The following ARSB variants were observed in gnomAD, a reference collection of about 807,000 sequenced individuals.
ARSB encodes the protein N-acetylgalactosamine-4-sulfatase.
ARSB carries 41 observed loss-of-function variants against 50.9 expected under a neutral mutation model. The ratio of observed to expected loss-of-function variants is 0.81; its 90% CI spans 0.63 to 1.04. ARSB has a LOEUF of 1.04. Among genes scored for constraint, ARSB ranks in the 50% least tolerant of loss-of-function variants. The pLI is 0.00. For missense variants in ARSB, 672 were observed against 693.3 expected (o/e 0.97, Z 0.35); for synonymous variants, 269 against 284.8 (o/e 0.94, Z 0.56).
intron 4 of ARSB, among the ~76,000 whole-genome samples, chr5:78,935,295 T>C (rs1750527859): frequency 6.6e-6 from 1 of 152,226 alleles, no homozygotes; most frequent in South Asian, 2.1e-4. Flanking sequence ...CTCATGATTT[T>C]CAGAAGCTAA....
At chr5:78,900,084 A>G in intron 4 of ARSB, among the ~76,000 whole-genome samples, 1 of 151,698 alleles carries the variant, frequency 6.6e-6, no homozygotes. Context: ...CAAATGGGGG[A>G]GTCACCAAAG....
chr5:78,906,129 C>A (rs1317442080), intron 4 of ARSB, among the ~76,000 whole-genome samples: 1 of 150,194 alleles, frequency 6.7e-6, no homozygotes, highest in Admixed American at 6.6e-5. Flanking sequence ...ACCAGCCAGG[C>A]AACATAGTGT....
intron 5 of ARSB, among the ~76,000 whole-genome samples, chr5:78,848,554 A>G (rs2112029233): frequency 6.6e-6 from 1 of 151,562 alleles, no homozygotes; most frequent in Non-Finnish European, 1.5e-5. Context: ...TAGCAGCATG[A>G]TTTATAGTCC....
chr5:78,898,403 G>A (rs1401292322), intron 4 of ARSB, among the ~76,000 whole-genome samples: 1 of 152,138 alleles, frequency 6.6e-6, no homozygotes. Context: ...TAGGAATCCT[G>A]TACTTCCCAA....
chr5:78,928,307 T>G lies in ARSB; in HGVS notation c.898+26988A>C, dbSNP rs1247611584. Among the ~76,000 whole-genome samples, 3 of 22,260 alleles carry G rather than the reference T, an allele frequency of 1.3e-4. No homozygotes were observed. In the East Asian group the frequency reaches 8.5e-3, roughly 63 times the overall value. The allele number at this position is 22,260 out of a possible 152,430, so 14.6% of individuals were successfully genotyped here. On this transcript the variant is annotated intron_variant, in intron 4 of 7. Coordinates refer to ENST00000264914, the MANE Select transcript of ARSB (RefSeq NM_000046.5). ...ACTGTGATTGCCATTTGCTTTTGCT[T>G]TTTTTTTTTTTTTTTTTTTTTTTTT...
intron 4 of ARSB, among the ~76,000 whole-genome samples, chr5:78,920,032 C>T (rs975790179): frequency 1.4e-5 from 2 of 143,312 alleles, no homozygotes; most frequent in African/African-American, 4.9e-5. Context: ...AGCATGAATG[C>T]ATTTTCAGGG....
At chr5:78,913,286 G>A (rs543605636) in intron 4 of ARSB, among the ~76,000 whole-genome samples, 6 of 152,080 alleles carry the variant, frequency 3.9e-5, no homozygotes, top group South Asian at 4.2e-4. Context: ...CACCTCGCCC[G>A]GCTAATTTTT....
At chr5:78,795,207 CCAAA>C (rs1743134109) in intron 6 of ARSB, among the ~76,000 whole-genome samples, 1 of 152,182 alleles carries the variant, frequency 6.6e-6, no homozygotes, top group African/African-American at 2.4e-5. Context: ...AATCTTCCTC[CCAAA>C]CAAACTCTAT....
chr5:78,859,722 A>C (rs569146013), intron 5 of ARSB, among the ~76,000 whole-genome samples: 19 of 152,228 alleles, frequency 1.2e-4, no homozygotes, highest in South Asian at 2.1e-4. Flanking sequence ...AACAAACAAA[A>C]AAAAAAGAGT....
intron 5 of ARSB, among the ~76,000 whole-genome samples, chr5:78,849,367 G>T (rs2112034017): frequency 6.6e-6 from 1 of 152,268 alleles, no homozygotes; most frequent in South Asian, 2.1e-4. Flanking sequence ...TCAAAGATCA[G>T]ATAGTTGTAG....
intron 4 of ARSB, among the ~76,000 whole-genome samples, chr5:78,916,834 G>A (rs1305817965): frequency 6.7e-6 from 1 of 148,242 alleles, no homozygotes; most frequent in African/African-American, 2.5e-5. Flanking sequence ...ACACACACAT[G>A]TATTTCAATG....
At position 78,955,521 on chromosome 5, in the gene ARSB, C is replaced by A; in HGVS notation, c.691-19G>T. ...ACAGAGGCTGGAAAGAAAGTTTGTGCAAACCAGTTAAGAGGATATTGAAGC... is the reference window on the plus strand; with the variant it reads ...ACAGAGGCTGGAAAGAAAGTTTGTGAAAACCAGTTAAGAGGATATTGAAGC... On this transcript the variant is annotated intron_variant, in intron 3 of 7. Coordinates refer to ENST00000264914, the MANE Select transcript of ARSB (RefSeq NM_000046.5). The A allele has an allele frequency of 6.2e-7, 1 of 1,603,588 alleles. No individual in the cohort carries two copies. Among genetic ancestry groups the A allele is most frequent in the Non-Finnish European group, 8.5e-7 (1 of 1,170,834 alleles).
At chr5:78,859,596 G>A (rs1357265643) in intron 5 of ARSB, among the ~76,000 whole-genome samples, 1 of 152,056 alleles carries the variant, frequency 6.6e-6, no homozygotes, top group Non-Finnish European at 1.5e-5. Flanking sequence ...ATGCTGAAGA[G>A]ACGAACAACA....
chr5:78,953,511 T>C (rs1394596378), intron 4 of ARSB, among the ~76,000 whole-genome samples: 5 of 152,214 alleles, frequency 3.3e-5, no homozygotes, highest in Admixed American at 2.0e-4. Context: ...GCTCAACAAA[T>C]GCCACGTTCA....
At chr5:78,833,582 A>C (rs1273412696) in intron 6 of ARSB, among the ~76,000 whole-genome samples, 1 of 152,228 alleles carries the variant, frequency 6.6e-6, no homozygotes, top group Non-Finnish European at 1.5e-5. Flanking sequence ...GGATAAAAGC[A>C]GAGCTAGGGT....
chr5:78,799,841 T>C (rs1297292612), intron 6 of ARSB, among the ~76,000 whole-genome samples: 1 of 152,074 alleles, frequency 6.6e-6, no homozygotes, highest in Non-Finnish European at 1.5e-5. Context: ...TCTCATAGGG[T>C]TTGGCAGATG....
At chr5:78,823,085 TAATA>T (rs1381834341) in intron 6 of ARSB, among the ~76,000 whole-genome samples, 3 of 152,274 alleles carry the variant, frequency 2.0e-5, no homozygotes, top group African/African-American at 7.2e-5. Context: ...GTAGGAACAT[TAATA>T]AATTCTACCA....
At chr5:78,864,877 G>A (rs906236185) in intron 5 of ARSB, among the ~76,000 whole-genome samples, 5 of 152,236 alleles carry the variant, frequency 3.3e-5, no homozygotes, top group African/African-American at 1.2e-4. Context: ...TAAAGCTCCA[G>A]AAATGATCTC....
intron 6 of ARSB, among the ~76,000 whole-genome samples, chr5:78,804,212 TG>T (rs1395061498): frequency 1.5e-5 from 2 of 136,510 alleles, no homozygotes; most frequent in South Asian, 2.2e-4. Context: ...AAATGTGGAA[TG>T]AAAAAAAAAA....
Sources: allele counts gnomAD v4.1 joint callset (sites outside exome capture counted in the v4.1 genomes callset), GRCh38; gene constraint gnomAD v4.1.1; transcripts MANE v1.5; gene names NCBI Gene and HGNC (gene_info 2026-07-23, HGNC 2026-07-21).